Variants in ALG5 observed in about 807,000 individuals in gnomAD.
ALG5 encodes ALG5 dolichyl-phosphate beta-glucosyltransferase.
A neutral mutation model predicts 51.8 loss-of-function variants in ALG5; 26 were observed. That is an observed-to-expected ratio of 0.50 (90% CI 0.37 to 0.70). The LOEUF (loss-of-function observed/expected upper bound fraction) is 0.70. Among genes scored for constraint, ALG5 ranks in the 30% least tolerant of loss-of-function variants. The pLI, the probability that ALG5 is intolerant of heterozygous loss-of-function variation, is 0.00. For missense variants in ALG5, 311 were observed against 399.3 expected (o/e 0.78, Z 1.88); for synonymous variants, 141 against 136.1 (o/e 1.04, Z -0.25).
At position 36,978,591 on chromosome 13, in the gene ALG5, G is replaced by T. The variant is rs542775881; in HGVS notation, c.562-6555C>A. 5.7e-3 allele frequency among the ~76,000 whole-genome samples: 868 copies of T among 152,042 alleles called. 5 individuals carry two copies. Among genetic ancestry groups the T allele is most frequent in the Non-Finnish European group, 6.4e-3 (435 of 67,984 alleles). On this transcript the variant is annotated intron_variant, in intron 6 of 9. Coordinates refer to ENST00000239891, the MANE Select transcript of ALG5 (RefSeq NM_013338.5). ...AACAATCATAAACAGTAACAGAATT[G>T]GATCTGATGAAAAAATATCAAGCAC...
chr13:36,976,664 C>T (rs1593673272), intron 6 of ALG5, among the ~76,000 whole-genome samples: 1 of 151,960 alleles, frequency 6.6e-6, no homozygotes, highest in South Asian at 2.1e-4. Context: ...AGGAGAATCG[C>T]TTGAACCTGG....
intron 8 of ALG5, among the ~76,000 whole-genome samples, chr13:36,955,686 G>GAAA (rs35130767): frequency 1.6e-4 from 6 of 36,474 alleles, no homozygotes; most frequent in East Asian, 1.8e-3. Flanking sequence ...CAGAGATTGT[G>GAAA]AAAAAAAAAA....
chr13:36,966,586 T>C (rs567607959), intron 7 of ALG5, among the ~76,000 whole-genome samples: 1 of 152,316 alleles, frequency 6.6e-6, no homozygotes, highest in South Asian at 2.1e-4. Flanking sequence ...CATGGTTCAC[T>C]GCAGCCTCAA....
At chr13:36,968,928 A>T (rs1300501207) in intron 7 of ALG5, among the ~76,000 whole-genome samples, 2 of 152,224 alleles carry the variant, frequency 1.3e-5, no homozygotes, top group African/African-American at 4.8e-5. Context: ...TAGTTGTCAT[A>T]GCATCTGCAG....
intron 7 of ALG5, chr13:36,967,753 A>T (rs1315956758): frequency 3.5e-6 from 4 of 1,131,028 alleles, no homozygotes; most frequent in Non-Finnish European, 4.7e-6. Flanking sequence ...CTTCCATACA[A>T]AATACTTCCA....
At chr13:36,986,874 A>T (rs1188966430) in intron 5 of ALG5, among the ~76,000 whole-genome samples, 1 of 152,130 alleles carries the variant, frequency 6.6e-6, no homozygotes, top group Non-Finnish European at 1.5e-5. Flanking sequence ...GGGGCAAAAA[A>T]CCAGTAAGTG....
At chr13:36,962,960 T>C (rs912239588) in intron 8 of ALG5, among the ~76,000 whole-genome samples, 2 of 152,184 alleles carry the variant, frequency 1.3e-5, no homozygotes, top group African/African-American at 4.8e-5. Flanking sequence ...GCTTTTTACT[T>C]TTTTTAAGAG....
chr13:36,969,219 C>G (rs2058909519), intron 7 of ALG5, among the ~76,000 whole-genome samples: 1 of 152,058 alleles, frequency 6.6e-6, no homozygotes, highest in Non-Finnish European at 1.5e-5. Flanking sequence ...TCAACCAATG[C>G]AAGTTCTAAG....
rs2059045010 is a variant in ALG5 at position 36,995,476 on chromosome 13, G to A, written c.187C>T (p.Pro63Ser). Residue 63 changes from proline (P) to serine (S), a missense_variant, in exon 2 of 10, where the codon CCT becomes TCT. Pro to Ser is a moderately conservative substitution (Grantham distance 74). Coordinates refer to ENST00000239891, the MANE Select transcript of ALG5 (RefSeq NM_013338.5). ...KETLPSIWDS[P>S]TKQLSVVVPS... Reference sequence around the variant, plus strand: ...ACAACGACAGAAAGTTGTTTGGTAGGTGAGTCCCATATGCTGGGTAAAGTT... The same window carrying A: ...ACAACGACAGAAAGTTGTTTGGTAGATGAGTCCCATATGCTGGGTAAAGTT... The A allele has an allele frequency of 3.1e-6, 5 of 1,612,886 alleles. No individual in the cohort carries two copies. Among genetic ancestry groups the A allele is most frequent in the African/African-American group, 1.3e-5 (1 of 74,830 alleles).
chr13:36,974,842 C>A (rs2058942699), intron 6 of ALG5, among the ~76,000 whole-genome samples: 1 of 152,014 alleles, frequency 6.6e-6, no homozygotes, highest in Admixed American at 6.6e-5. Context: ...TTCCTTAATA[C>A]CATCAGACAT....
At chr13:36,957,168 T>C (rs2058843681) in intron 8 of ALG5, among the ~76,000 whole-genome samples, 1 of 151,864 alleles carries the variant, frequency 6.6e-6, no homozygotes, top group Admixed American at 6.6e-5. Context: ...ATCAAGCAGA[T>C]AGTCAGGGCC....
At chr13:36,984,033 A>C (rs2058991188) in intron 6 of ALG5, among the ~76,000 whole-genome samples, 1 of 151,162 alleles carries the variant, frequency 6.6e-6, no homozygotes, top group Non-Finnish European at 1.5e-5. Flanking sequence ...AACTAGGTCT[A>C]TTTCATTCAT....
chr13:36,971,437 A>G (rs1343430418), intron 7 of ALG5, among the ~76,000 whole-genome samples: 1 of 152,116 alleles, frequency 6.6e-6, no homozygotes, highest in Non-Finnish European at 1.5e-5. Context: ...ACCTGAGCTC[A>G]GGAGTTCAAG....
intron 1 of ALG5, 41 bp from the exon 2 acceptor site, chr13:36,995,637 T>C (rs768124391): frequency 2.6e-6 from 4 of 1,563,862 alleles, no homozygotes; most frequent in Non-Finnish European, 3.5e-6. Flanking sequence ...ACAGAAATTA[T>C]GTTTTGCTGA....
intron 3 of ALG5, among the ~76,000 whole-genome samples, chr13:36,994,069 G>C (rs1035446188): frequency 6.6e-6 from 1 of 152,062 alleles, no homozygotes; most frequent in Non-Finnish European, 1.5e-5. Flanking sequence ...TAATGACCTT[G>C]GGCAACTTAA....
At chr13:36,972,742 C>T (rs1358953447) in intron 6 of ALG5, among the ~76,000 whole-genome samples, 1 of 152,110 alleles carries the variant, frequency 6.6e-6, no homozygotes, top group Non-Finnish European at 1.5e-5. Flanking sequence ...CCTGTAATCG[C>T]AGCACTTTGG....
intron 7 of ALG5, among the ~76,000 whole-genome samples, chr13:36,969,496 G>A (rs1157685098): frequency 1.3e-5 from 2 of 150,894 alleles, no homozygotes; most frequent in African/African-American, 4.9e-5. Context: ...AGCTGTTTTA[G>A]TGTGCAAAAA....
chr13:36,993,797 T>C, intron 3 of ALG5, 125 bp from the exon 4 acceptor site: 1 of 727,588 alleles, frequency 1.4e-6, no homozygotes, highest in South Asian at 1.6e-5. Context: ...AATATAAATA[T>C]TAGTGCACAA....
chr13:36,999,211 G>A, intron 1 of ALG5, 24 bp downstream of exon 1: 2 of 1,554,104 alleles, frequency 1.3e-6, no homozygotes, highest in Non-Finnish European at 1.7e-6. Flanking sequence ...CCCGGCCTGC[G>A]CGGGTTCCCA....
Sources: gnomAD v4.1 joint callset for allele counts (sites outside exome capture counted in the v4.1 genomes callset) on GRCh38, gnomAD v4.1.1 for gene constraint, MANE v1.5 for transcripts, NCBI Gene and HGNC (gene_info 2026-07-23, HGNC 2026-07-21) for gene names.